CHST13: variants seen among roughly 807,000 people sequenced by gnomAD.
CHST13 encodes carbohydrate sulfotransferase 13.
A neutral mutation model predicts 7.0 loss-of-function variants in CHST13; 1 was observed. The observed-to-expected ratio is 0.14, with a 90% CI of 0.05 to 0.68. The LOEUF (loss-of-function observed/expected upper bound fraction) is 0.68, where lower values mean the gene tolerates loss of function less well. Among genes scored for constraint, CHST13 ranks in the 30% least tolerant of loss-of-function variants. The probability of loss-of-function intolerance (pLI) is 0.82; values close to 1 mark genes in which losing one functional copy is unlikely to be tolerated. For missense variants in CHST13, 572 were observed against 507.9 expected (o/e 1.13, Z -1.21); for synonymous variants, 257 against 240.9 (o/e 1.07, Z -0.62).
In CHST13 at chr3:126,542,104, C is replaced by G; in HGVS notation, c.552C>G (p.Tyr184Ter). ...CCTTCGAGCGCCTGGCATCGGCTTA[C>G]CGCAACAAGCTCGCGCGCCCCTACA... ...REPFERLASAYRNKLARPYSA... is the reference protein window; with the variant it reads ...REPFERLASA The change falls in exon 3 of 3, where the codon TAC (tyrosine) becomes TAG (stop). Residue 184 changes from tyrosine (Y) to a stop codon, truncating the protein, a stop_gained. Coordinates refer to ENST00000319340, the MANE Select transcript of CHST13 (RefSeq NM_152889.3). LOFTEE classifies it low-confidence loss of function (END_TRUNC). 1 of 1,581,830 alleles carries G rather than the reference C, an allele frequency of 6.3e-7. No homozygotes were observed.
intron 1 of CHST13, 62 bp downstream of exon 1, chr3:126,524,491 C>A (rs962530279): frequency 1.8e-6 from 1 of 553,998 alleles, no homozygotes; most frequent in Non-Finnish European, 2.7e-6. Flanking sequence ...CGCTTTCCAC[C>A]GCGGCCTGAC....
At chr3:126,529,164 G>A (rs546552455) in intron 1 of CHST13, 1 of 538,686 alleles carries the variant, frequency 1.9e-6, no homozygotes, top group African/African-American at 1.9e-5. Context: ...CTTTGGCTGA[G>A]GTGGGTGTGC....
chr3:126,538,465 C>T (rs949621985), intron 2 of CHST13, among the ~76,000 whole-genome samples: 2 of 152,214 alleles, frequency 1.3e-5, no homozygotes, highest in South Asian at 4.1e-4. Context: ...ACATTCCCCC[C>T]GAACCCCCGG....
rs541211080 is a variant in CHST13 at position 126,541,720 on chromosome 3, C to A, written c.181-13C>A. On this transcript the variant is annotated splice_polypyrimidine_tract_variant and intron_variant, in intron 2 of 2. Transcript: ENST00000319340. ...CTGACGCGTCCCCCTGTCCCGTCTC[C>A]TGTCGCCCACAGGACCCGCGCTCGA... The A allele has an allele frequency of 9.0e-6, 13 of 1,444,418 alleles. No homozygotes were observed. The East Asian group carries it at 3.5e-4, about 39-fold the overall frequency. 89.5% of individuals were successfully genotyped at this position (1,444,418 alleles called of 1,614,324 possible).
Position 126,542,413 on chromosome 3 carries a change from C to A in CHST13, c.861C>A (p.Ser287Arg). 1.3e-6 allele frequency: 2 copies of A among 1,552,432 alleles called. No homozygotes were observed. Among genetic ancestry groups the A allele is most frequent in the Non-Finnish European group, 1.7e-6 (2 of 1,152,328 alleles). ...GCCTGGCGGGCGCATCCGACCTGAGCTTCCCTGGGCCGCCGCGGCCCCGGG... is the reference window on the plus strand; with the variant it reads ...GCCTGGCGGGCGCATCCGACCTGAGATTCCCTGGGCCGCCGCGGCCCCGGG... ...VLGLAGASDL[S>R]FPGPPRPRGA... is the part of the protein sequence containing the mutation. Residue 287 changes from serine (S) to arginine (R), a missense_variant, in exon 3 of 3, where the codon AGC becomes AGA. By Grantham distance (110) the Ser-to-Arg change is moderately radical. Transcript: ENST00000319340.
intron 2 of CHST13, among the ~76,000 whole-genome samples, chr3:126,539,623 G>GCA (rs1207867041): frequency 1.3e-5 from 1 of 75,672 alleles, no homozygotes; most frequent in Non-Finnish European, 2.6e-5. Flanking sequence ...CACACACACA[G>GCA]CACACACACA....
rs1423622454 is a variant in CHST13 at position 126,541,972 on chromosome 3, G to A, written c.420G>A (p.Ala140=). 3 of 1,577,962 alleles carry A rather than the reference G, an allele frequency of 1.9e-6. No homozygotes were observed. The highest frequency in any genetic ancestry group is 2.6e-6 in the Non-Finnish European group (3 of 1,165,044). ...GCGGCGACCCGCGCGCCATCTCCGC[G>A]CAAGAGGCGCACGCGCCTGGCCGCC... is the stretch of plus-strand genomic sequence containing the variant. ...QARGDPRAIS[A]QEAHAPGRLP... The change falls in exon 3 of 3, where the codon GCG becomes GCA. Residue 140 remains alanine (A), a synonymous_variant. Transcript: ENST00000319340.
Position 126,542,219 on chromosome 3 carries a change from G to A in CHST13, c.667G>A (p.Val223Met), listed in dbSNP as rs748107873. 3 of 1,482,650 alleles carry A rather than the reference G, an allele frequency of 2.0e-6. No individual in the cohort carries two copies. The highest frequency in any genetic ancestry group is 1.5e-5 in the African/African-American group (1 of 67,932). 91.8% of individuals were successfully genotyped at this position (1,482,650 alleles called of 1,614,324 possible). A position where few individuals can be genotyped will look rare whatever the true frequency, so the allele number is the denominator to read the frequency against. The change falls in exon 3 of 3, where the codon GTG (valine) becomes ATG (methionine). Residue 223 changes from valine (V) to methionine (M), a missense_variant. Transcript: ENST00000319340. ...CGACGCCCGGGCCCGCGGCCACGAC[G>A]TGCGCTTCGCGGAGTTCCTGGCCTA... is the stretch of plus-strand genomic sequence containing the variant. ...LPDARARGHD[V>M]RFAEFLAYLL... is the part of the protein sequence containing the mutation.
rs1395132358 is a variant in CHST13, at chr3:126,524,337, G to A, written c.5G>A (p.Gly2Glu). M[G>E]RRCCRRRVLA... Reference sequence around the variant, plus strand: ...CCGCCGCGCGCCCGGCACAGCATGGGGAGGCGCTGCTGCCGGCGGCGCGTG... The same window carrying A: ...CCGCCGCGCGCCCGGCACAGCATGGAGAGGCGCTGCTGCCGGCGGCGCGTG... Residue 2 changes from glycine (G) to glutamate (E), a missense_variant, in exon 1 of 3, where the codon GGG (glycine) becomes GAG (glutamate). Physicochemically the swap from Gly to Glu is moderately conservative, Grantham distance 98. Transcript: ENST00000319340. The A allele has an allele frequency of 2.4e-6, 3 of 1,235,684 alleles. No individual in the cohort carries two copies. The highest frequency in any genetic ancestry group is 1.6e-5 in the African/African-American group (1 of 63,664). 76.5% of individuals were successfully genotyped at this position (1,235,684 alleles called of 1,614,324 possible).
intron 1 of CHST13, among the ~76,000 whole-genome samples, chr3:126,530,004 T>C (rs1936618570): frequency 1.3e-5 from 2 of 152,102 alleles, no homozygotes; most frequent in African/African-American, 4.8e-5. Flanking sequence ...ACAAGGGAGT[T>C]TGGGATGATG....
At chr3:126,538,788 T>C (rs1936857662) in intron 2 of CHST13, among the ~76,000 whole-genome samples, 1 of 152,166 alleles carries the variant, frequency 6.6e-6, no homozygotes, top group Admixed American at 6.5e-5. Context: ...CTGGCAGCCT[T>C]CCCATGGTGA....
rs575022875 is a variant in CHST13, at chr3:126,534,484, C to G, written c.98-1787C>G. Among the ~76,000 whole-genome samples the G allele has an allele frequency of 4.7e-5, 7 of 150,382 alleles. No individual in the cohort carries two copies. In the South Asian group the frequency reaches 1.5e-3, roughly 32 times the overall value. On this transcript the variant is annotated intron_variant, in intron 1 of 2. Transcript: ENST00000319340. ...CACCCAGGAGACAGACAGACAGCAT[C>G]CTTGTCCTCAGCTAGCAGAAAAACA...
At chr3:126,537,947 C>T (rs1936833523) in intron 2 of CHST13, among the ~76,000 whole-genome samples, 1 of 152,164 alleles carries the variant, frequency 6.6e-6, no homozygotes, top group African/African-American at 2.4e-5. Flanking sequence ...ATCCAGGCAG[C>T]CACACTGTGG....
intron 1 of CHST13, among the ~76,000 whole-genome samples, chr3:126,533,161 G>A (rs1219227769): frequency 1.3e-5 from 2 of 151,980 alleles, no homozygotes; most frequent in Admixed American, 1.3e-4. Flanking sequence ...TATATATACG[G>A]TTATGTCATC....
chr3:126,541,617 T>C, intron 2 of CHST13, 116 bp from the exon 3 acceptor site: 1 of 993,566 alleles, frequency 1.0e-6, no homozygotes, highest in Non-Finnish European at 1.4e-6. Context: ...CGAATTTGGG[T>C]GCCCGGCGCA....
At chr3:126,539,812 C>A in intron 2 of CHST13, among the ~76,000 whole-genome samples, 1 of 100,048 alleles carries the variant, frequency 1.0e-5, no homozygotes, top group Non-Finnish European at 2.1e-5. Flanking sequence ...ACACCACACA[C>A]CACAAACACA....
chr3:126,524,827 AGCTTGG>A (rs1270051145), intron 1 of CHST13, among the ~76,000 whole-genome samples: 1 of 152,268 alleles, frequency 6.6e-6, no homozygotes, highest in Non-Finnish European at 1.5e-5. Context: ...TAGGAGGGGA[AGCTTGG>A]GCCACTCGGT....
At chr3:126,531,265 G>A (rs1421569039) in intron 1 of CHST13, among the ~76,000 whole-genome samples, 2 of 152,212 alleles carry the variant, frequency 1.3e-5, no homozygotes, top group Non-Finnish European at 2.9e-5. Context: ...AGTTTAATGG[G>A]CCCCACACAA....
rs775826869 is a variant in CHST13 at position 126,542,815 on chromosome 3, G to A, written c.*237G>A. 6.6e-6 allele frequency: 3 copies of A among 454,698 alleles called. No individual in the cohort carries two copies. The allele number at this position is 454,698 out of a possible 1,614,324, so 28.2% of individuals were successfully genotyped here. A position where few individuals can be genotyped will look rare whatever the true frequency, so the allele number is the denominator to read the frequency against. On this transcript the variant is annotated 3_prime_UTR_variant, in exon 3 of 3. Coordinates refer to ENST00000319340, the MANE Select transcript of CHST13 (RefSeq NM_152889.3). Reference sequence around the variant, plus strand: ...CGCCTGAGGCCTGCTTCCTCCACTTGCTCCAGCTGACAGGCACCTCTCCAG... The same window carrying A: ...CGCCTGAGGCCTGCTTCCTCCACTTACTCCAGCTGACAGGCACCTCTCCAG...
Sources: gnomAD v4.1 joint callset for allele counts (sites outside exome capture counted in the v4.1 genomes callset) on GRCh38, gnomAD v4.1.1 for gene constraint, MANE v1.5 for transcripts, NCBI Gene and HGNC (gene_info 2026-07-23, HGNC 2026-07-21) for gene names.